The following SOX11 variants were observed in gnomAD, a reference collection of about 807,000 sequenced individuals.
SOX11 encodes the protein SRY-box transcription factor 11.
SOX11 carries 5 observed loss-of-function variants against 16.7 expected under a neutral mutation model. That is an observed-to-expected ratio of 0.30 (90% confidence interval 0.16 to 0.63). The LOEUF is 0.63. SOX11 is among the 20% of genes least tolerant of loss of function. The pLI is 0.82. For synonymous variants in SOX11, 363 were observed against 298.8 expected (o/e 1.21, Z -2.22); for missense variants, 492 against 641.5 (o/e 0.77, Z 2.52).
rs1665770396 is a variant in SOX11 at position 5,697,904 on chromosome 2, A to C, written c.*3857A>C. ...TGATCTATGTATTTTGAAAGCCTGA[A>C]AACTTGGCATGTCTTTTCTGTTTTA... On this transcript the variant is annotated 3_prime_UTR_variant, in exon 1 of 1. Coordinates refer to ENST00000322002, the MANE Select transcript of SOX11 (RefSeq NM_003108.4). 6.0e-6 allele frequency: 1 copy of C among 167,116 alleles called. No homozygotes were observed. Among genetic ancestry groups the C allele is most frequent in the East Asian group, 1.9e-4 (1 of 5,200 alleles). The allele number at this position is 167,116 out of a possible 1,614,324, so 10.4% of individuals were successfully genotyped here.
chr2:5,693,223 G>C lies in SOX11; in HGVS notation c.502G>C (p.Gly168Arg), dbSNP rs1665667129. 6.1e-6 allele frequency: 9 copies of C among 1,483,278 alleles called. No individual in the cohort carries two copies. Among genetic ancestry groups the C allele is most frequent in the Non-Finnish European group, 8.0e-6 (9 of 1,126,024 alleles). The allele number at this position is 1,483,278 out of a possible 1,614,324, so 91.9% of individuals were successfully genotyped here. The change falls in exon 1 of 1, where the codon GGC (glycine) becomes CGC (arginine). Residue 168 changes from glycine (G) to arginine (R), a missense_variant. This residue lies in a region of SOX11 where 389 missense variants were observed against 389.0 expected (regional missense o/e 1.00). Transcript: ENST00000322002. This position sits in a 1 kb window ranked among gnomAD's most constrained non-coding sequence, Gnocchi z 8.6. Reference sequence around the variant, plus strand: ...CTCCAAGGGCTCCAGCAAGAAATGCGGCAAGCTCAAGGCCCCCGCGGCCGC... The same window carrying C: ...CTCCAAGGGCTCCAGCAAGAAATGCCGCAAGCTCAAGGCCCCCGCGGCCGC... ...KTSKGSSKKC[G>R]KLKAPAAAGA...
In SOX11 at chr2:5,700,339, G is replaced by A. The variant is rs1224771449; in HGVS notation, c.*6292G>A. ...AAAGTTTAAAAATGCATAAAAAATAGGATTTCCTCTAGGCTCCTCGAAGAG... is the reference window on the plus strand; with the variant it reads ...AAAGTTTAAAAATGCATAAAAAATAAGATTTCCTCTAGGCTCCTCGAAGAG... On this transcript the variant is annotated 3_prime_UTR_variant, in exon 1 of 1. Transcript: ENST00000322002. 6.0e-6 allele frequency: 1 copy of A among 166,608 alleles called. No individual in the cohort carries two copies. The highest frequency in any genetic ancestry group is 1.5e-5 in the Non-Finnish European group (1 of 68,060). The allele number at this position is 166,608 out of a possible 1,614,324, so 10.3% of individuals were successfully genotyped here.
In SOX11 at chr2:5,700,836, G is replaced by C. The variant is rs992201411; in HGVS notation, c.*6789G>C. 1.2e-5 allele frequency: 2 copies of C among 166,722 alleles called. No homozygotes were observed. The highest frequency in any genetic ancestry group is 2.9e-5 in the Non-Finnish European group (2 of 68,130). The allele number at this position is 166,722 out of a possible 1,614,324, so 10.3% of individuals were successfully genotyped here. A position where few individuals can be genotyped will look rare whatever the true frequency, so the allele number is the denominator to read the frequency against. On this transcript the variant is annotated 3_prime_UTR_variant, in exon 1 of 1. Transcript: ENST00000322002. ...TGTTAACAAGTGTGTATTTTCCAAGGCCACATGAAACTTACTTTCTTAGCC... is the reference window on the plus strand; with the variant it reads ...TGTTAACAAGTGTGTATTTTCCAAGCCCACATGAAACTTACTTTCTTAGCC...
rs916197808 is a variant in SOX11, at chr2:5,698,931, T to C, written c.*4884T>C. Reference sequence around the variant, plus strand: ...TTAAGTGACTTTTGCCCAAGGAATTTGAGAAATAAGGCAAATAAGTTGCTC... The same window carrying C: ...TTAAGTGACTTTTGCCCAAGGAATTCGAGAAATAAGGCAAATAAGTTGCTC... On this transcript the variant is annotated 3_prime_UTR_variant, in exon 1 of 1. Coordinates refer to ENST00000322002, the MANE Select transcript of SOX11 (RefSeq NM_003108.4). The C allele has an allele frequency of 1.4e-4, 24 of 167,096 alleles. No homozygotes were observed. Among genetic ancestry groups the C allele is most frequent in the Non-Finnish European group, 4.4e-5 (3 of 68,112 alleles). The allele number at this position is 167,096 out of a possible 1,614,324, so 10.4% of individuals were successfully genotyped here. A position where few individuals can be genotyped will look rare whatever the true frequency, so the allele number is the denominator to read the frequency against.
In SOX11 at chr2:5,693,805, A is replaced by G. The variant is rs1362366101; in HGVS notation, c.1084A>G (p.Met362Val). Reference sequence around the variant, plus strand: ...CAGCGGCGAGGACGCCGACGACCTGATGTTCGACCTGAGCTTGAATTTCTC... The same window carrying G: ...CAGCGGCGAGGACGCCGACGACCTGGTGTTCGACCTGAGCTTGAATTTCTC... Reference protein sequence around the residue: ...GSSGEDADDLMFDLSLNFSQS... With the variant: ...GSSGEDADDLVFDLSLNFSQS... The change falls in exon 1 of 1, where the codon ATG (methionine) becomes GTG (valine). Residue 362 changes from methionine (M) to valine (V), a missense_variant. Physicochemically the swap from Met to Val is conservative, Grantham distance 21. Coordinates refer to ENST00000322002, the MANE Select transcript of SOX11 (RefSeq NM_003108.4). This position sits in a 1 kb window ranked among gnomAD's most constrained non-coding sequence, Gnocchi z 8.6. 1.3e-6 allele frequency: 2 copies of G among 1,554,472 alleles called. No individual in the cohort carries two copies. Among genetic ancestry groups the G allele is most frequent in the South Asian group, 2.4e-5 (2 of 84,602 alleles).
Position 5,696,124 on chromosome 2 carries a change from C to G in SOX11, c.*2077C>G, listed in dbSNP as rs1468398884. Reference sequence around the variant, plus strand: ...CGAGCGCTCGGGGCACTTCTATCCCCGCCTCTCAAAGGGTGGGGACAGCCG... The same window carrying G: ...CGAGCGCTCGGGGCACTTCTATCCCGGCCTCTCAAAGGGTGGGGACAGCCG... On this transcript the variant is annotated 3_prime_UTR_variant, in exon 1 of 1. Transcript: ENST00000322002. The G allele has an allele frequency of 3.6e-5, 6 of 167,140 alleles. No homozygotes were observed. Among genetic ancestry groups the G allele is most frequent in the Non-Finnish European group, 7.3e-5 (5 of 68,182 alleles). 10.4% of individuals were successfully genotyped at this position (167,140 alleles called of 1,614,324 possible). A position where few individuals can be genotyped will look rare whatever the true frequency, so the allele number is the denominator to read the frequency against.
Position 5,692,692 on chromosome 2 carries a change from G to A in SOX11, c.-30G>A, listed in dbSNP as rs754815141. On this transcript the variant is annotated 5_prime_UTR_variant, in exon 1 of 1. Coordinates refer to ENST00000322002, the MANE Select transcript of SOX11 (RefSeq NM_003108.4). ...ACCTCCGCACGAGACCCAGCGGCCC[G>A]GGTTGGAGCGTCCAGCCCTGCAGCG... 1.3e-6 allele frequency: 2 copies of A among 1,532,680 alleles called. No individual in the cohort carries two copies. Among genetic ancestry groups the A allele is most frequent in the East Asian group, 2.3e-5 (1 of 43,112 alleles). 94.9% of individuals were successfully genotyped at this position (1,532,680 alleles called of 1,614,324 possible).
Position 5,694,098 on chromosome 2 carries a change from T to C in SOX11, c.*51T>C. ...CTCGGAGGGTGCAGAGCTGGGTTCC[T>C]TGGGAGGAAGTTGTAGTGGTGATGA... On this transcript the variant is annotated 3_prime_UTR_variant, in exon 1 of 1. Transcript: ENST00000322002. 6.7e-7 allele frequency: 1 copy of C among 1,495,326 alleles called. No individual in the cohort carries two copies. The highest frequency in any genetic ancestry group is 8.9e-7 in the Non-Finnish European group (1 of 1,121,564). 92.6% of individuals were successfully genotyped at this position (1,495,326 alleles called of 1,614,324 possible). A position where few individuals can be genotyped will look rare whatever the true frequency, so the allele number is the denominator to read the frequency against.
At position 5,697,131 on chromosome 2, in the gene SOX11, G is replaced by A; in HGVS notation, c.*3084G>A. ...TCCGAGCATCCGCCGCCTCTTTTCT[G>A]CTGGGTCTGGGAGGAGGGAGGCTGG... On this transcript the variant is annotated 3_prime_UTR_variant, in exon 1 of 1. Transcript: ENST00000322002. The A allele has an allele frequency of 6.1e-6, 1 of 163,604 alleles. No homozygotes were observed. The allele number at this position is 163,604 out of a possible 1,614,324, so 10.1% of individuals were successfully genotyped here.
rs756544888 is a variant in SOX11, at chr2:5,693,331, C to A, written c.610C>A (p.Arg204Ser). 1.3e-6 allele frequency: 2 copies of A among 1,588,226 alleles called. No individual in the cohort carries two copies. Among genetic ancestry groups the A allele is most frequent in the African/African-American group, 2.7e-5 (2 of 73,740 alleles). The change falls in exon 1 of 1, where the codon CGC (arginine) becomes AGC (serine). Residue 204 changes from arginine (R) to serine (S), a missense_variant. Arg to Ser is a moderately radical substitution (Grantham distance 110). Coordinates refer to ENST00000322002, the MANE Select transcript of SOX11 (RefSeq NM_003108.4). This position sits in a 1 kb window ranked among gnomAD's most constrained non-coding sequence, Gnocchi z 8.6. ...AGDDYVLGSL[R>S]VSGSGGGGAG... ...CGACGACTACGTGCTGGGCAGCCTGCGCGTGAGCGGCTCGGGCGGCGGCGG... is the reference window on the plus strand; with the variant it reads ...CGACGACTACGTGCTGGGCAGCCTGAGCGTGAGCGGCTCGGGCGGCGGCGG...
Position 5,693,103 on chromosome 2 carries a change from C to A in SOX11, c.382C>A (p.Pro128Thr), listed in dbSNP as rs573393747. 1 of 1,613,472 alleles carries A rather than the reference C, an allele frequency of 6.2e-7. No homozygotes were observed. Among genetic ancestry groups the A allele is most frequent in the Non-Finnish European group, 8.5e-7 (1 of 1,179,924 alleles). Reference protein sequence around the residue: ...YRPRKKPKMDPSAKPSASQSP... With the variant: ...YRPRKKPKMDTSAKPSASQSP... ...GCCCCGGAAAAAGCCCAAAATGGAC[C>A]CCTCGGCCAAGCCCAGCGCCAGCCA... is the stretch of plus-strand genomic sequence containing the variant. Residue 128 changes from proline (P) to threonine (T), a missense_variant, in exon 1 of 1, where the codon CCC becomes ACC. Pro to Thr is a conservative substitution (Grantham distance 38). Coordinates refer to ENST00000322002, the MANE Select transcript of SOX11 (RefSeq NM_003108.4). The surrounding 1 kb of genome is among the most constrained non-coding windows in gnomAD (Gnocchi z 8.6).
rs1401081263 is a variant in SOX11, at chr2:5,694,336, T to C, written c.*289T>C. The C allele has an allele frequency of 2.2e-6, 1 of 460,952 alleles. No individual in the cohort carries two copies. Among genetic ancestry groups the C allele is most frequent in the East Asian group, 3.4e-5 (1 of 29,292 alleles). The allele number at this position is 460,952 out of a possible 1,614,324, so 28.6% of individuals were successfully genotyped here. On this transcript the variant is annotated 3_prime_UTR_variant, in exon 1 of 1. Coordinates refer to ENST00000322002, the MANE Select transcript of SOX11 (RefSeq NM_003108.4). ...GTCCCCCCTCCCTTCCTTTATCGTG[T>C]CTCAAGGTAGTTGCATACCTAGTCT...
At position 5,692,942 on chromosome 2, in the gene SOX11, T is replaced by G; in HGVS notation, c.221T>G (p.Met74Arg). ...AAGATCATGGAGCAGTCTCCGGACA[T>G]GCACAACGCCGAGATCTCCAAGAGG... ...RRKIMEQSPD[M>R]HNAEISKRLG... The change falls in exon 1 of 1, where the codon ATG becomes AGG. Residue 74 changes from methionine to arginine, a missense_variant. Met to Arg is a moderately conservative substitution (Grantham distance 91). Transcript: ENST00000322002. 1 of 1,612,514 alleles carries G rather than the reference T, an allele frequency of 6.2e-7. No individual in the cohort carries two copies. Among genetic ancestry groups the G allele is most frequent in the South Asian group, 1.1e-5 (1 of 90,976 alleles).
At position 5,692,415 on chromosome 2, in the gene SOX11, G is replaced by C. The variant is rs1225358161; in HGVS notation, c.-307G>C. Among the ~76,000 whole-genome samples, 1 of 152,040 alleles carries C rather than the reference G, an allele frequency of 6.6e-6. No individual in the cohort carries two copies. The highest frequency in any genetic ancestry group is 2.4e-5 in the African/African-American group (1 of 41,422). On this transcript the variant is annotated 5_prime_UTR_variant, in exon 1 of 1. Transcript: ENST00000322002. ...GGAGCGCGCGCGCCTGGGAGAGCTC[G>C]GGGTCCGGCGCTTGCGGTAGGAGCC...
rs1665770696 is a variant in SOX11, at chr2:5,697,929, A to C, written c.*3882A>C. 1 of 167,116 alleles carries C rather than the reference A, an allele frequency of 6.0e-6. No individual in the cohort carries two copies. The highest frequency in any genetic ancestry group is 1.5e-5 in the Non-Finnish European group (1 of 68,130). 10.4% of individuals were successfully genotyped at this position (167,116 alleles called of 1,614,324 possible). A position where few individuals can be genotyped will look rare whatever the true frequency, so the allele number is the denominator to read the frequency against. On this transcript the variant is annotated 3_prime_UTR_variant, in exon 1 of 1. Transcript: ENST00000322002. Reference sequence around the variant, plus strand: ...AAACTTGGCATGTCTTTTCTGTTTTAATCATAGATGAATCTTGGACATTTT... The same window carrying C: ...AAACTTGGCATGTCTTTTCTGTTTTCATCATAGATGAATCTTGGACATTTT...
chr2:5,700,266 A>G lies in SOX11; in HGVS notation c.*6219A>G, dbSNP rs774369642. ...AAACTTCTTTTATGTAGTCACGTAG[A>G]CTTGATTTTTTCTGCTGTGAAAATG... On this transcript the variant is annotated 3_prime_UTR_variant, in exon 1 of 1. Coordinates refer to ENST00000322002, the MANE Select transcript of SOX11 (RefSeq NM_003108.4). 6.0e-6 allele frequency: 1 copy of G among 167,036 alleles called. No individual in the cohort carries two copies. The highest frequency in any genetic ancestry group is 2.4e-5 in the African/African-American group (1 of 41,462). The allele number at this position is 167,036 out of a possible 1,614,324, so 10.3% of individuals were successfully genotyped here. A position where few individuals can be genotyped will look rare whatever the true frequency, so the allele number is the denominator to read the frequency against.
rs13419910 is a variant in SOX11, at chr2:5,699,554, A to G, written c.*5507A>G. 73,833 of 166,650 alleles carry G rather than the reference A, an allele frequency of 0.44. 17,407 individuals carry two copies. The highest frequency in any genetic ancestry group is 0.6 in the African/African-American group (24,802 of 41,444). 10.3% of individuals were successfully genotyped at this position (166,650 alleles called of 1,614,324 possible). A position where few individuals can be genotyped will look rare whatever the true frequency, so the allele number is the denominator to read the frequency against. On this transcript the variant is annotated 3_prime_UTR_variant, in exon 1 of 1. Transcript: ENST00000322002. Reference sequence around the variant, plus strand: ...TATTCTACAACATCCCCTTTTATTTAATGATCTGGAAAATTCTGCTCTTTG... The same window carrying G: ...TATTCTACAACATCCCCTTTTATTTGATGATCTGGAAAATTCTGCTCTTTG...
In SOX11 at chr2:5,698,265, A is replaced by G. The variant is rs1665776502; in HGVS notation, c.*4218A>G. The G allele has an allele frequency of 1.8e-5, 3 of 167,108 alleles. No individual in the cohort carries two copies. The allele number at this position is 167,108 out of a possible 1,614,324, so 10.4% of individuals were successfully genotyped here. On this transcript the variant is annotated 3_prime_UTR_variant, in exon 1 of 1. Transcript: ENST00000322002. ...TCTTGCCACTGGATAGTCTTCAATA[A>G]AAGTTTAATTGATTTTTTTTTGTTG... is the stretch of plus-strand genomic sequence containing the variant.
chr2:5,694,461 G>C lies in SOX11; in HGVS notation c.*414G>C, dbSNP rs968089703. The C allele has an allele frequency of 9.0e-6, 2 of 222,604 alleles. No homozygotes were observed. Among genetic ancestry groups the C allele is most frequent in the South Asian group, 3.6e-4 (2 of 5,588 alleles). The allele number at this position is 222,604 out of a possible 1,614,324, so 13.8% of individuals were successfully genotyped here. A position where few individuals can be genotyped will look rare whatever the true frequency, so the allele number is the denominator to read the frequency against. ...CAAAGGCAGAGGGGGCGGGGCGGGG[G>C]AGGGGAGGTAGGACCCGCTCCGGAA... is the stretch of plus-strand genomic sequence containing the variant. On this transcript the variant is annotated 3_prime_UTR_variant, in exon 1 of 1. Coordinates refer to ENST00000322002, the MANE Select transcript of SOX11 (RefSeq NM_003108.4).
Sources: allele counts gnomAD v4.1 joint callset (sites outside exome capture counted in the v4.1 genomes callset), GRCh38; gene constraint gnomAD v4.1.1; regional missense constraint gnomAD v4.1.1; non-coding constraint Gnocchi (gnomAD v3.1); transcripts MANE v1.5; gene names NCBI Gene and HGNC (gene_info 2026-07-23, HGNC 2026-07-21).